TRIM71: variants seen among roughly 807,000 people sequenced by gnomAD.
TRIM71 encodes the protein tripartite motif containing 71, also known as E3 ubiquitin-protein ligase TRIM71.
TRIM71 carries 9 observed loss-of-function variants against 61.2 expected under a neutral mutation model. The ratio of observed to expected loss-of-function variants is 0.15; its 90% CI spans 0.09 to 0.26. The LOEUF is 0.26. Among genes scored for constraint, TRIM71 ranks in the 10% least tolerant of loss-of-function variants. The pLI is 1.00. For synonymous variants in TRIM71, 645 were observed against 553.2 expected, an observed-to-expected ratio of 1.17 and a Z score of -2.33; for missense variants, 998 against 1,238.7, an observed-to-expected ratio of 0.81 and a Z score of 2.92.
intron 2 of TRIM71, among the ~76,000 whole-genome samples, chr3:32,879,227 A>C (rs1325604962): frequency 1.3e-5 from 2 of 152,170 alleles, no homozygotes; most frequent in African/African-American, 4.8e-5. Context: ...GGCTGGTTTG[A>C]TCTTTTCTCC....
chr3:32,875,292 G>A (rs187090409), intron 2 of TRIM71, among the ~76,000 whole-genome samples: 10 of 152,330 alleles, frequency 6.6e-5, no homozygotes, highest in African/African-American at 2.4e-4. Flanking sequence ...GCTAGGGAGG[G>A]GCATGTGTAA....
chr3:32,822,804 C>G (rs1559535974), intron 1 of TRIM71, among the ~76,000 whole-genome samples: 1 of 152,170 alleles, frequency 6.6e-6, no homozygotes, highest in African/African-American at 2.4e-5. Context: ...GAACCACTTT[C>G]CTATCTTTTC....
Position 32,833,100 on chromosome 3 carries a change from G to T in TRIM71, c.852+14168G>T, listed in dbSNP as rs374620244. On this transcript the variant is annotated intron_variant, in intron 1 of 3. Coordinates refer to ENST00000383763, the MANE Select transcript of TRIM71 (RefSeq NM_001039111.3). The stretch of plus-strand genomic sequence containing the variant: ...TGAGGCAGGAGAATCACTGGAACCC[G>T]GGAGGTGGAGGTTGCAGCAAGCTGA... Among the ~76,000 whole-genome samples the T allele has an allele frequency of 3.3e-3, 487 of 149,756 alleles. 1 individual carries two copies. The highest frequency in any genetic ancestry group is 5.5e-3 in the Non-Finnish European group (370 of 67,612).
At chr3:32,882,551 A>G (rs1475901547) in intron 2 of TRIM71, among the ~76,000 whole-genome samples, 2 of 151,664 alleles carry the variant, frequency 1.3e-5, no homozygotes, top group African/African-American at 2.4e-5. Flanking sequence ...ATCATATTAT[A>G]TATTTGTTTT....
intron 1 of TRIM71, among the ~76,000 whole-genome samples, chr3:32,855,472 C>T (rs566624413): frequency 6.6e-5 from 10 of 152,168 alleles, no homozygotes; most frequent in African/African-American, 2.4e-4. Flanking sequence ...AGTGGGGGAG[C>T]CTCTGGAGGG....
chr3:32,867,204 CAT>C (rs1221078401), intron 1 of TRIM71, among the ~76,000 whole-genome samples: 4 of 151,778 alleles, frequency 2.6e-5, no homozygotes, highest in East Asian at 3.9e-4. Context: ...TAGATCTTCA[CAT>C]GTTATATTGC....
chr3:32,869,198 G>A (rs1696771422), intron 1 of TRIM71, among the ~76,000 whole-genome samples: 1 of 152,188 alleles, frequency 6.6e-6, no homozygotes, highest in Non-Finnish European at 1.5e-5. Context: ...TACTTCTGTA[G>A]TGGGAAACTC....
intron 2 of TRIM71, among the ~76,000 whole-genome samples, chr3:32,878,819 C>T (rs1425412742): frequency 6.6e-6 from 1 of 152,134 alleles, no homozygotes; most frequent in Non-Finnish European, 1.5e-5. Context: ...TTAGTCCCTA[C>T]CAAGAGAGTC....
At chr3:32,855,105 G>A (rs1371724844) in intron 1 of TRIM71, among the ~76,000 whole-genome samples, 2 of 152,108 alleles carry the variant, frequency 1.3e-5, no homozygotes, top group East Asian at 1.9e-4. Context: ...AAGTATATAT[G>A]TATAGTGAAA....
chr3:32,852,188 G>A (rs1342379781), intron 1 of TRIM71, among the ~76,000 whole-genome samples: 1 of 152,198 alleles, frequency 6.6e-6, no homozygotes, highest in Non-Finnish European at 1.5e-5. Context: ...GTGGGGCCAT[G>A]AATGAAATTG....
intron 1 of TRIM71, among the ~76,000 whole-genome samples, chr3:32,842,976 C>A (rs989004212): frequency 8.2e-5 from 12 of 145,490 alleles, no homozygotes; most frequent in Non-Finnish European, 1.5e-4. Context: ...TTAATAAATG[C>A]TTTTTGATGG....
intron 1 of TRIM71, among the ~76,000 whole-genome samples, chr3:32,868,253 C>T (rs1559547018): frequency 6.6e-6 from 1 of 152,160 alleles, no homozygotes; most frequent in African/African-American, 2.4e-5. Context: ...GTACTTTGCC[C>T]TTCACATGGG....
At position 32,818,055 on chromosome 3, in the gene TRIM71, C is replaced by T. The variant is rs758938473; in HGVS notation, c.-26C>T. 1.2e-5 allele frequency: 20 copies of T among 1,606,886 alleles called. No individual in the cohort carries two copies. In the African/African-American group the frequency reaches 1.7e-4, roughly 14 times the overall value. ...TCCTCCTCCTCTTCCTCTCTGGTCT[C>T]CTCCCTCCTCCGGGCTGGGTTGCAA... On this transcript the variant is annotated 5_prime_UTR_variant, in exon 1 of 4. Coordinates refer to ENST00000383763, the MANE Select transcript of TRIM71 (RefSeq NM_001039111.3).
intron 1 of TRIM71, among the ~76,000 whole-genome samples, chr3:32,864,755 C>A (rs2125686099): frequency 6.6e-6 from 1 of 152,260 alleles, no homozygotes; most frequent in Non-Finnish European, 1.5e-5. Flanking sequence ...CTACATTCCC[C>A]AGTATGCATC....
chr3:32,869,988 G>A lies in TRIM71; in HGVS notation c.853-3830G>A, dbSNP rs558276434. Reference sequence around the variant, plus strand: ...TCCCTTCCCCCCTTTCCCGGGAGCCGCTGTTCATGGCTACTACCACATTTC... The same window carrying A: ...TCCCTTCCCCCCTTTCCCGGGAGCCACTGTTCATGGCTACTACCACATTTC... On this transcript the variant is annotated intron_variant, in intron 1 of 3. Transcript: ENST00000383763. Among the ~76,000 whole-genome samples the A allele has an allele frequency of 3.9e-5, 6 of 152,308 alleles. No homozygotes were observed. In the East Asian group the frequency reaches 1.2e-3, roughly 29 times the overall value.
chr3:32,867,819 A>G (rs1575354255), intron 1 of TRIM71, among the ~76,000 whole-genome samples: 2 of 152,144 alleles, frequency 1.3e-5, no homozygotes, highest in South Asian at 4.1e-4. Flanking sequence ...GCCAAATAGT[A>G]TATGGAACAA....
At chr3:32,834,565 A>G (rs995223332) in intron 1 of TRIM71, among the ~76,000 whole-genome samples, 2 of 152,198 alleles carry the variant, frequency 1.3e-5, no homozygotes, top group Non-Finnish European at 2.9e-5. Context: ...AAAGTTGGAA[A>G]ACGAACATTT....
rs531820526 is a variant in TRIM71, at chr3:32,897,017, G to A, written c.*5206G>A. On this transcript the variant is annotated 3_prime_UTR_variant, in exon 4 of 4. Coordinates refer to ENST00000383763, the MANE Select transcript of TRIM71 (RefSeq NM_001039111.3). ...CCCTTTTCTCCTAAAATCGATGCAG[G>A]TAAGGGTGGGTGGGTAAGGGGTGTT... 2.8e-3 allele frequency: 387 copies of A among 136,710 alleles called. 2 individuals are homozygous for A. Among genetic ancestry groups the A allele is most frequent in the African/African-American group, 9.1e-3 (341 of 37,674 alleles). The allele number at this position is 136,710 out of a possible 1,614,324, so 8.5% of individuals were successfully genotyped here.
chr3:32,838,365 G>C (rs1370612969), intron 1 of TRIM71, among the ~76,000 whole-genome samples: 2 of 151,848 alleles, frequency 1.3e-5, no homozygotes, highest in Non-Finnish European at 2.9e-5. Context: ...GCTGGGATTA[G>C]AGGCTTGTGC....
Sources: gnomAD v4.1 joint callset for allele counts (sites outside exome capture counted in the v4.1 genomes callset) on GRCh38, gnomAD v4.1.1 for gene constraint, MANE v1.5 for transcripts, NCBI Gene and HGNC (gene_info 2026-07-23, HGNC 2026-07-21) for gene names.